Variants in ANO6 observed in about 807,000 individuals in gnomAD.
ANO6 encodes anoctamin 6.
Under a neutral mutation model 117.5 loss-of-function variants are expected in ANO6, and 106 were observed. The observed-to-expected ratio is 0.90, with a 90% CI of 0.77 to 1.06. The LOEUF (loss-of-function observed/expected upper bound fraction) is 1.06, where lower values mean the gene tolerates loss of function less well. ANO6 is among the 50% of genes least tolerant of loss of function. The pLI, the probability that ANO6 is intolerant of heterozygous loss-of-function variation, is 0.00. For missense variants in ANO6, 955 were observed against 1,121.1 expected, an observed-to-expected ratio of 0.85 and a Z score of 2.12; for synonymous variants, 367 against 385.1, an observed-to-expected ratio of 0.95 and a Z score of 0.55.
At position 45,264,649 on chromosome 12, in the gene ANO6, AACCTGAC is replaced by A. The variant is rs763374410; in HGVS notation, c.71-37364_71-37358del. ...AATTTTACCAATGGTTAGTTGGTGA[AACCTGAC>A]TGTGGATACATACATATTTATGTAA... is the stretch of plus-strand genomic sequence containing the variant. On this transcript the variant is annotated intron_variant, in intron 1 of 19. Transcript: ENST00000320560. 3.0e-4 allele frequency among the ~76,000 whole-genome samples: 46 copies of A among 152,212 alleles called. 1 individual carries two copies. Among genetic ancestry groups the A allele is most frequent in the Admixed American group, 5.2e-4 (8 of 15,284 alleles).
At chr12:45,281,495 C>T (rs771559207) in intron 1 of ANO6, among the ~76,000 whole-genome samples, 47 of 152,222 alleles carry the variant, frequency 3.1e-4, no homozygotes, top group Middle Eastern at 3.4e-3. Context: ...TGGCGGAAGG[C>T]GAAGGGGAGG....
chr12:45,328,353 C>G (rs964216472), intron 2 of ANO6, among the ~76,000 whole-genome samples: 3 of 152,068 alleles, frequency 2.0e-5, no homozygotes, highest in Admixed American at 2.0e-4. Flanking sequence ...TCCATACCTG[C>G]AGTTCTTGGC....
At chr12:45,317,151 C>T (rs1592955722) in intron 2 of ANO6, among the ~76,000 whole-genome samples, 1 of 47,076 alleles carries the variant, frequency 2.1e-5, no homozygotes, top group Non-Finnish European at 7.0e-5. Flanking sequence ...CTTTAAGTTC[C>T]AGGGTACATG....
At chr12:45,409,542 A>T (rs763954459) in intron 16 of ANO6, 55 bp downstream of exon 16, 20 of 1,579,598 alleles carry the variant, frequency 1.3e-5, no homozygotes, top group Admixed American at 5.0e-5. Context: ...TATGTTGTGG[A>T]TACCAAAAGC....
intron 10 of ANO6, among the ~76,000 whole-genome samples, chr12:45,383,037 G>A (rs779772063): frequency 2.6e-5 from 4 of 152,132 alleles, no homozygotes; most frequent in Non-Finnish European, 5.9e-5. Flanking sequence ...TTTACCCATA[G>A]TAGAACTTCT....
intron 15 of ANO6, among the ~76,000 whole-genome samples, chr12:45,406,959 T>G (rs1942950476): frequency 6.6e-6 from 1 of 152,316 alleles, no homozygotes; most frequent in South Asian, 2.1e-4. Context: ...GCTATGACAA[T>G]ACACATGGTA....
intron 19 of ANO6, among the ~76,000 whole-genome samples, chr12:45,439,110 T>A (rs888211756): frequency 2.0e-5 from 3 of 152,148 alleles, no homozygotes; most frequent in Non-Finnish European, 4.4e-5. Context: ...TAGTCAGAAG[T>A]CCTGATGGTG....
At position 45,403,194 on chromosome 12, in the gene ANO6, T is replaced by C. The variant is rs749990152; in HGVS notation, c.1735T>C (p.Tyr579His). The change falls in exon 14 of 20, where the codon TAT becomes CAT. Residue 579 changes from tyrosine to histidine, a missense_variant. Physicochemically the swap from Tyr to His is moderately conservative, Grantham distance 83 (BLOSUM62 2). Transcript: ENST00000320560. ...IAFFKGKFVG[Y>H]PGDPVYWLGK... The stretch of plus-strand genomic sequence containing the variant: ...ATTCTTTAAGGGCAAATTTGTAGGC[T>C]ATCCAGGAGACCCAGTTTATTGGTT... 4.3e-6 allele frequency: 7 copies of C among 1,614,016 alleles called. No homozygotes were observed. In the South Asian group the frequency reaches 5.5e-5, roughly 13 times the overall value.
chr12:45,338,520 T>C (rs1281499858), intron 3 of ANO6, among the ~76,000 whole-genome samples: 1 of 152,210 alleles, frequency 6.6e-6, no homozygotes, highest in African/African-American at 2.4e-5. Context: ...TTTTGGCAGG[T>C]GTTCTGTCTT....
chr12:45,372,375 T>G (rs1460806347), intron 9 of ANO6, among the ~76,000 whole-genome samples: 2 of 138,600 alleles, frequency 1.4e-5, no homozygotes, highest in Non-Finnish European at 3.1e-5. Context: ...ACAAAGATAC[T>G]CCTCGAGAAG....
At chr12:45,363,478 C>T (rs1299623235) in intron 8 of ANO6, among the ~76,000 whole-genome samples, 5 of 151,582 alleles carry the variant, frequency 3.3e-5, no homozygotes, top group African/African-American at 9.7e-5. Context: ...GCAGGAGAAT[C>T]GCTTGAACCC....
chr12:45,416,937 C>T (rs963190404), intron 17 of ANO6, 33 bp downstream of exon 17: 1 of 1,596,240 alleles, frequency 6.3e-7, no homozygotes, highest in Non-Finnish European at 8.6e-7. Flanking sequence ...GAGTAAAGAC[C>T]TTGAAGATGC....
chr12:45,358,104 G>A (rs1941460132), intron 8 of ANO6, among the ~76,000 whole-genome samples: 1 of 152,120 alleles, frequency 6.6e-6, no homozygotes, highest in Non-Finnish European at 1.5e-5. Context: ...CTTCCAGCAG[G>A]GATGCAGCAC....
chr12:45,407,414 C>T (rs1482088663), intron 15 of ANO6, among the ~76,000 whole-genome samples: 2 of 149,832 alleles, frequency 1.3e-5, no homozygotes, highest in African/African-American at 2.5e-5. Context: ...GAAACCACAC[C>T]CAGTGACCTT....
intron 8 of ANO6, among the ~76,000 whole-genome samples, chr12:45,365,581 A>G (rs901347960): frequency 2.0e-5 from 3 of 152,152 alleles, no homozygotes; most frequent in African/African-American, 7.2e-5. Context: ...GTCAAATAGT[A>G]AGACTTCTCT....
chr12:45,251,197 C>T (rs1160590784), intron 1 of ANO6, among the ~76,000 whole-genome samples: 2 of 152,132 alleles, frequency 1.3e-5, no homozygotes, highest in East Asian at 3.8e-4. Context: ...AGTTTTAACC[C>T]GATTACTAAC....
At chr12:45,317,113 G>GTGTGTGTGTGTGTGTATATATA in intron 2 of ANO6, among the ~76,000 whole-genome samples, 13 of 66,488 alleles carry the variant, frequency 2.0e-4, no homozygotes, top group African/African-American at 5.3e-4. Context: ...CTTTTTATAT[G>GTGTGTGTGTGTGTGTATATATA]TATATATATA....
intron 2 of ANO6, among the ~76,000 whole-genome samples, chr12:45,315,291 C>T (rs886551979): frequency 3.3e-5 from 5 of 151,954 alleles, no homozygotes; most frequent in Non-Finnish European, 5.9e-5. Flanking sequence ...TGTGGGAAAG[C>T]ACCACTGTAG....
intron 3 of ANO6, among the ~76,000 whole-genome samples, chr12:45,332,959 A>AT (rs965211016): frequency 1.7e-4 from 25 of 149,728 alleles, no homozygotes; most frequent in African/African-American, 5.4e-4. Flanking sequence ...TTTCAAATCA[A>AT]TTTTTTTTTT....
Sources: gnomAD v4.1 joint callset for allele counts (sites outside exome capture counted in the v4.1 genomes callset) on GRCh38, gnomAD v4.1.1 for gene constraint, MANE v1.5 for transcripts, NCBI Gene and HGNC (gene_info 2026-07-23, HGNC 2026-07-21) for gene names.